LIPA: variants seen among roughly 807,000 people sequenced by gnomAD.
LIPA encodes lipase A, lysosomal acid type.
Under a neutral mutation model 40.6 loss-of-function variants are expected in LIPA, and 26 were observed. The ratio of observed to expected loss-of-function variants is 0.64; its 90% confidence interval spans 0.47 to 0.89. The LOEUF (loss-of-function observed/expected upper bound fraction) is 0.89. Among genes scored for constraint, LIPA ranks in the 40% least tolerant of loss-of-function variants. LIPA has a pLI of 0.00. For synonymous variants in LIPA, 188 were observed against 168.4 expected, an observed-to-expected ratio of 1.12 and a Z score of -0.90; for missense variants, 455 against 479.6, an observed-to-expected ratio of 0.95 and a Z score of 0.48.
Position 89,337,553 on chromosome 10 carries a change from C to T in LIPA, c.-2+5058G>A, listed in dbSNP as rs144173071. ...TGGCGAGGACTACAGGCATGTACTA[C>T]CATCCCTGGCTAATTTTTGTATTTT... On this transcript the variant is annotated intron_variant, in intron 1 of 5. Coordinates refer to the LIPA transcript ENST00000282673. 5.7e-3 allele frequency among the ~76,000 whole-genome samples: 875 copies of T among 152,318 alleles called. 4 individuals carry two copies. Among genetic ancestry groups the T allele is most frequent in the Middle Eastern group, 0.027 (8 of 294 alleles).
chr10:89,293,628 G>A (rs998447336), intron 1 of LIPA: 9 of 151,462 alleles, frequency 5.9e-5, no homozygotes, highest in Non-Finnish European at 1.0e-4. Flanking sequence ...TTCCTGACCT[G>A]GAGATGGCAG....
chr10:89,269,922 A>C (rs61853122), intron 1 of LIPA, among the ~76,000 whole-genome samples: 2,018 of 152,288 alleles, frequency 0.013, 21 homozygotes, highest in Middle Eastern at 0.024. Flanking sequence ...ATGTGGGCCT[A>C]GACTTTGGAG....
intron 2 of LIPA, among the ~76,000 whole-genome samples, chr10:89,373,533 A>G (rs1446710722): frequency 6.6e-6 from 1 of 152,126 alleles, no homozygotes; most frequent in Non-Finnish European, 1.5e-5. Context: ...GAGTAGTCTC[A>G]AAAGCAAACA....
chr10:89,253,487 C>T (rs1843161000), upstream of LIPA, among the ~76,000 whole-genome samples: 2 of 152,218 alleles, frequency 1.3e-5, no homozygotes, highest in South Asian at 4.1e-4. Flanking sequence ...ATTCAGTTAT[C>T]TCCCACCGGG....
chr10:89,385,667 T>C (rs1272828725), intron 2 of LIPA, among the ~76,000 whole-genome samples: 8 of 152,230 alleles, frequency 5.3e-5, no homozygotes, highest in African/African-American at 1.4e-4. Context: ...GCTGGAGTTC[T>C]ATTTCCCAAG....
chr10:89,224,416 C>T (rs1235388241), intron 6 of LIPA, among the ~76,000 whole-genome samples: 1 of 152,178 alleles, frequency 6.6e-6, no homozygotes, highest in African/African-American at 2.4e-5. Context: ...TTTAAGTCTT[C>T]TAAATGGCCC....
chr10:89,329,722 C>A (rs925882057), intron 1 of LIPA, among the ~76,000 whole-genome samples: 3 of 152,118 alleles, frequency 2.0e-5, no homozygotes, highest in Non-Finnish European at 4.4e-5. Flanking sequence ...ATATTAGTAC[C>A]AGCAATCATG....
intron 7 of LIPA, 45 bp from the exon 8 acceptor site, chr10:89,222,627 G>A: frequency 8.5e-7 from 1 of 1,182,948 alleles, no homozygotes. Flanking sequence ...ACAGCATTAA[G>A]GTGGCATTGA....
chr10:89,266,471 TATTATATAA>T (rs1417324878), intron 1 of LIPA, among the ~76,000 whole-genome samples: 1 of 152,200 alleles, frequency 6.6e-6, no homozygotes, highest in Non-Finnish European at 1.5e-5. Context: ...TGATCTAAAA[TATTATATAA>T]AATTACCTTC....
intron 3 of LIPA, 39 bp downstream of exon 3, chr10:89,245,637 G>A: frequency 9.6e-7 from 1 of 1,041,920 alleles, no homozygotes; most frequent in Non-Finnish European, 1.5e-6. Flanking sequence ...ACAAAACCCA[G>A]AAGAATTCTG....
chr10:89,252,165 A>T (rs1476065002), upstream of LIPA: 3 of 152,244 alleles, frequency 2.0e-5, no homozygotes, highest in Non-Finnish European at 4.4e-5. Context: ...GGCTCTATAA[A>T]TGAAAGTGAA....
chr10:89,307,084 G>A (rs1026002095), intron 1 of LIPA: 2 of 1,614,040 alleles, frequency 1.2e-6, no homozygotes, highest in Admixed American at 3.3e-5. Context: ...TCCATCTGCG[G>A]TATGGCAACT....
intron 3 of LIPA, among the ~76,000 whole-genome samples, chr10:89,233,477 A>G (rs1404789009): frequency 6.6e-6 from 1 of 152,260 alleles, no homozygotes; most frequent in Admixed American, 6.5e-5. Context: ...GCAGTGCACT[A>G]GAAGGTAAAA....
intron 2 of LIPA, chr10:89,384,967 T>C (rs917801790): frequency 2.2e-5 from 11 of 498,552 alleles, no homozygotes; most frequent in Non-Finnish European, 3.6e-5. Flanking sequence ...GAAAGTATCA[T>C]CCCTCCTGAT....
At chr10:89,287,437 G>T (rs957272110) in intron 1 of LIPA, among the ~76,000 whole-genome samples, 6 of 151,950 alleles carry the variant, frequency 3.9e-5, no homozygotes. Flanking sequence ...ATCCCCACCT[G>T]CCCAGTTCCC....
intron 2 of LIPA, chr10:89,383,408 T>C (rs777012526): frequency 1.2e-6 from 2 of 1,614,220 alleles, no homozygotes; most frequent in South Asian, 2.2e-5. Context: ...GCCCCTGAAA[T>C]TCCTGATTTA....
chr10:89,356,206 G>A (rs1377265203), intron 2 of LIPA, among the ~76,000 whole-genome samples: 1 of 152,082 alleles, frequency 6.6e-6, no homozygotes, highest in Admixed American at 6.6e-5. Flanking sequence ...CATAGGGCAA[G>A]GTATGGGGTG....
At chr10:89,330,717 A>T (rs957210392) in intron 1 of LIPA, among the ~76,000 whole-genome samples, 2 of 149,776 alleles carry the variant, frequency 1.3e-5, no homozygotes, top group South Asian at 4.2e-4. Flanking sequence ...AGGTCACTGA[A>T]ATCCAGGTGT....
intron 8 of LIPA, among the ~76,000 whole-genome samples, chr10:89,221,836 T>C (rs1344507765): frequency 1.3e-5 from 2 of 152,260 alleles, no homozygotes; most frequent in Non-Finnish European, 2.9e-5. Context: ...TAGAATAGAA[T>C]GCAGAGACAT....
Sources: gnomAD v4.1 joint callset for allele counts (sites outside exome capture counted in the v4.1 genomes callset) on GRCh38, gnomAD v4.1.1 for gene constraint, MANE v1.5 for transcripts, NCBI Gene and HGNC (gene_info 2026-07-23, HGNC 2026-07-21) for gene names.